The following RYR2 variants were observed in gnomAD, a reference collection of about 807,000 sequenced individuals.
RYR2 encodes the protein cardiac muscle ryanodine receptor-calcium release channel.
In RYR2, 227 loss-of-function variants were observed where a neutral mutation model predicts 601.1. The ratio of observed to expected loss-of-function variants is 0.38; its 90% confidence interval spans 0.34 to 0.42. The LOEUF (loss-of-function observed/expected upper bound fraction) is 0.42, where lower values mean the gene tolerates loss of function less well. Ranked by LOEUF, RYR2 falls within the 10% of genes least tolerant of loss-of-function variation. The probability of loss-of-function intolerance (pLI) is 1.00; values close to 1 mark genes in which losing one functional copy is unlikely to be tolerated. For synonymous variants in RYR2, 2,223 were observed against 2,175.1 expected, an observed-to-expected ratio of 1.02 and a Z score of -0.61; for missense variants, 4,646 against 6,156.5, an observed-to-expected ratio of 0.75 and a Z score of 8.21.
At chr1:237,415,855 T>G (rs1704925787) in intron 10 of RYR2, among the ~76,000 whole-genome samples, 4 of 152,172 alleles carry the variant, frequency 2.6e-5, no homozygotes, top group Admixed American at 2.6e-4. Context: ...TATCAAATAA[T>G]TATTTTCAGA....
chr1:237,281,541 T>C (rs916863898), intron 2 of RYR2, among the ~76,000 whole-genome samples: 1 of 152,236 alleles, frequency 6.6e-6, no homozygotes, highest in African/African-American at 2.4e-5. Context: ...TGCAAAAAGA[T>C]TGGCAGATAT....
At chr1:237,668,998 G>A (rs1340213932) in intron 58 of RYR2, among the ~76,000 whole-genome samples, 2 of 151,686 alleles carry the variant, frequency 1.3e-5, no homozygotes, top group Non-Finnish European at 2.9e-5. Flanking sequence ...AAGGTCTCTG[G>A]TTTTCCTAGG....
At chr1:237,584,832 T>C (rs1674346166) in intron 29 of RYR2, among the ~76,000 whole-genome samples, 1 of 151,976 alleles carries the variant, frequency 6.6e-6, no homozygotes, top group Non-Finnish European at 1.5e-5. Flanking sequence ...AGCTAATTTT[T>C]AATTTTTTAA....
chr1:237,446,809 T>C (rs10925418), intron 14 of RYR2, among the ~76,000 whole-genome samples: 4,140 of 152,282 alleles, frequency 0.027, 177 homozygotes, highest in African/African-American at 0.093. Context: ...CATTTTTGTA[T>C]TTTTTATTAC....
rs144187858 is a variant in RYR2 at position 237,120,176 on chromosome 1, T to A, written c.48+77607T>A. 3.5e-4 allele frequency among the ~76,000 whole-genome samples: 53 copies of A among 152,320 alleles called. No homozygotes were observed. The South Asian group carries it at 4.6e-3, about 13-fold the overall frequency. ...AAATGGTTTAATAGTCATTTTTTTT[T>A]ATCAGGGGTTTTGAGAAGATTAATG... is the stretch of plus-strand genomic sequence containing the variant. On this transcript the variant is annotated intron_variant, in intron 1 of 104. Transcript: ENST00000366574.
At chr1:237,190,081 G>T (rs544695747) in intron 1 of RYR2, among the ~76,000 whole-genome samples, 2 of 151,864 alleles carry the variant, frequency 1.3e-5, no homozygotes, top group African/African-American at 4.8e-5. Flanking sequence ...TATAGACAGG[G>T]TTTCACCTTG....
At chr1:237,725,494 T>C (rs993168791) in intron 74 of RYR2, among the ~76,000 whole-genome samples, 2 of 152,106 alleles carry the variant, frequency 1.3e-5, no homozygotes, top group African/African-American at 4.8e-5. Context: ...GCAGCCTGTT[T>C]TAGATGTATA....
intron 25 of RYR2, among the ~76,000 whole-genome samples, chr1:237,536,022 C>T (rs1254085138): frequency 5.9e-5 from 9 of 151,872 alleles, no homozygotes; most frequent in African/African-American, 2.4e-5. Flanking sequence ...CAATATAAGT[C>T]ACTACTACTT....
rs138204198 is a variant in RYR2, at chr1:237,404,897, G to A, written c.774-12152G>A. ...GAGAGCCCTCTCCAGCTGTCAGAGCGCAATGAAATAAGGCCTTCAGTCATA... is the reference window on the plus strand; with the variant it reads ...GAGAGCCCTCTCCAGCTGTCAGAGCACAATGAAATAAGGCCTTCAGTCATA... On this transcript the variant is annotated intron_variant, in intron 10 of 104. Coordinates refer to ENST00000366574, the MANE Select transcript of RYR2 (RefSeq NM_001035.3). 5.8e-4 allele frequency among the ~76,000 whole-genome samples: 88 copies of A among 152,264 alleles called. No individual in the cohort carries two copies. In the East Asian group the frequency reaches 8.9e-3, roughly 15 times the overall value.
At chr1:237,281,250 TACA>T (rs1267696990) in intron 2 of RYR2, among the ~76,000 whole-genome samples, 2 of 152,204 alleles carry the variant, frequency 1.3e-5, no homozygotes, top group Non-Finnish European at 2.9e-5. Context: ...CAGTGAGGAA[TACA>T]ACATCAGTGT....
intron 1 of RYR2, among the ~76,000 whole-genome samples, chr1:237,057,404 C>T (rs1662296953): frequency 6.6e-6 from 1 of 152,094 alleles, no homozygotes. Context: ...CCAGGATGGT[C>T]TCGATCTCCT....
chr1:237,381,856 T>A (rs1701547794), intron 8 of RYR2, among the ~76,000 whole-genome samples: 1 of 152,216 alleles, frequency 6.6e-6, no homozygotes, highest in Non-Finnish European at 1.5e-5. Flanking sequence ...CTGTTTTATG[T>A]TCTGAGGTAA....
At chr1:237,334,883 C>G (rs1697100213) in intron 3 of RYR2, among the ~76,000 whole-genome samples, 1 of 152,148 alleles carries the variant, frequency 6.6e-6, no homozygotes, top group South Asian at 2.1e-4. Flanking sequence ...CTTGAGAATA[C>G]CAGTTCTGCC....
At chr1:237,561,208 G>A (rs771236947) in intron 27 of RYR2, among the ~76,000 whole-genome samples, 11 of 152,272 alleles carry the variant, frequency 7.2e-5, no homozygotes, top group Admixed American at 7.2e-4. Flanking sequence ...GACAAGGTTT[G>A]ATTTTACCGA....
chr1:237,581,670 A>G (rs913165942), intron 29 of RYR2, among the ~76,000 whole-genome samples: 4 of 152,224 alleles, frequency 2.6e-5, no homozygotes, highest in African/African-American at 9.6e-5. Flanking sequence ...GGTTTTCAAC[A>G]TGGTGTGAAT....
intron 63 of RYR2, among the ~76,000 whole-genome samples, chr1:237,693,367 G>A (rs1283739309): frequency 6.6e-6 from 1 of 152,036 alleles, no homozygotes; most frequent in Non-Finnish European, 1.5e-5. Flanking sequence ...ATTTGAAAAG[G>A]CAGGCATGAA....
In RYR2 at chr1:237,623,788, G is replaced by A. The variant is rs748839255; in HGVS notation, c.5940G>A (p.Lys1980=). The A allele has an allele frequency of 4.3e-6, 7 of 1,610,890 alleles. No individual in the cohort carries two copies. The highest frequency in any genetic ancestry group is 1.1e-5 in the South Asian group (1 of 90,822). Reference sequence around the variant, plus strand: ...AGATCAATATGCTTCTCAATTTTAAGGATGACAAAAGTGAATGTCCATGTC... The same window carrying A: ...AGATCAATATGCTTCTCAATTTTAAAGATGACAAAAGTGAATGTCCATGTC... ...QEQINMLLNF[K]DDKSECPCPE... Residue 1980 remains lysine (K), a synonymous_variant, in exon 39 of 105, where the codon AAG becomes AAA. Transcript: ENST00000366574.
intron 100 of RYR2, among the ~76,000 whole-genome samples, chr1:237,817,100 T>C (rs12057995): frequency 0.46 from 70,468 of 151,946 alleles, 17,532 homozygotes; most frequent in African/African-American, 0.66. Flanking sequence ...GCTGGCCTTA[T>C]AATGCTCTTT....
At chr1:237,332,489 C>G (rs1211104617) in intron 3 of RYR2, among the ~76,000 whole-genome samples, 1 of 152,004 alleles carries the variant, frequency 6.6e-6, no homozygotes, top group Non-Finnish European at 1.5e-5. Flanking sequence ...CTCAGTTATG[C>G]TTAAGTTATG....
Sources: allele counts gnomAD v4.1 joint callset (sites outside exome capture counted in the v4.1 genomes callset), GRCh38; gene constraint gnomAD v4.1.1; transcripts MANE v1.5; gene names NCBI Gene and HGNC (gene_info 2026-07-23, HGNC 2026-07-21).